Variants in PARP15 observed in about 807,000 individuals in gnomAD.
PARP15 encodes protein mono-ADP-ribosyltransferase PARP15.
PARP15 carries 50 observed loss-of-function variants against 62.1 expected under a neutral mutation model. The observed-to-expected ratio is 0.81, with a 90% confidence interval of 0.64 to 1.02. The LOEUF (loss-of-function observed/expected upper bound fraction) is 1.02, where lower values mean the gene tolerates loss of function less well. Among genes scored for constraint, PARP15 ranks in the 50% least tolerant of loss-of-function variants. The probability of loss-of-function intolerance (pLI) is 0.00; values close to 1 mark genes in which losing one functional copy is unlikely to be tolerated. For missense variants in PARP15, 820 were observed against 826.5 expected (o/e 0.99, Z 0.10); for synonymous variants, 309 against 293.1 (o/e 1.05, Z -0.55).
chr3:122,579,017 A>T, intron 1 of PARP15, among the ~76,000 whole-genome samples: 1 of 152,240 alleles, frequency 6.6e-6, no homozygotes, highest in South Asian at 2.1e-4. Context: ...TTTTAAAAAC[A>T]ATTACAATAC....
intron 1 of PARP15, among the ~76,000 whole-genome samples, chr3:122,589,926 C>T (rs1933751996): frequency 1.5e-5 from 2 of 132,798 alleles, no homozygotes; most frequent in South Asian, 4.7e-4. Context: ...GAGTCTCGCT[C>T]TGTCCCTGGG....
At position 122,613,147 on chromosome 3, in the gene PARP15, C is replaced by T. The variant is rs115391654; in HGVS notation, c.650C>T (p.Ala217Val). 9,469 of 1,551,612 alleles carry T rather than the reference C, an allele frequency of 6.1e-3. 44 individuals are homozygous for T. The highest frequency in any genetic ancestry group is 9.3e-3 in the Middle Eastern group (56 of 5,992). Residue 217 changes from alanine to valine, a missense_variant, in exon 4 of 12, where the codon GCT becomes GTT. By Grantham distance (64) the Ala-to-Val change is moderately conservative. This residue lies in a region of PARP15 where 731 missense variants were observed against 727.7 expected (regional missense o/e 1.00). Transcript: ENST00000464300. ...IGTGSLQFPKAVFAKLILSEV... is the reference protein window; with the variant it reads ...IGTGSLQFPKVVFAKLILSEV... ...ACAGGAAGTTTGCAGTTTCCCAAAGCTGTTTTTGCTAAACTAATCCTTTCA... is the reference window on the plus strand; with the variant it reads ...ACAGGAAGTTTGCAGTTTCCCAAAGTTGTTTTTGCTAAACTAATCCTTTCA...
chr3:122,594,639 T>G, intron 1 of PARP15: 1 of 917,378 alleles, frequency 1.1e-6, no homozygotes, highest in Non-Finnish European at 1.3e-6. Context: ...AATTAGCATC[T>G]AATTTTAATT....
chr3:122,610,174 C>G (rs1935460896), intron 2 of PARP15, among the ~76,000 whole-genome samples: 1 of 152,078 alleles, frequency 6.6e-6, no homozygotes, highest in Non-Finnish European at 1.5e-5. Flanking sequence ...TCTTCTTTCT[C>G]CATTTCTCTC....
chr3:122,631,797 T>A (rs1474470295), intron 9 of PARP15, among the ~76,000 whole-genome samples: 3 of 152,226 alleles, frequency 2.0e-5, no homozygotes, highest in Non-Finnish European at 2.9e-5. Context: ...CAAAATTAAT[T>A]CCATAGAAAT....
chr3:122,623,262 A>G (rs1460709231), intron 8 of PARP15, among the ~76,000 whole-genome samples: 1 of 152,136 alleles, frequency 6.6e-6, no homozygotes, highest in East Asian at 1.9e-4. Context: ...TTTTGTTCCC[A>G]TCACCCAGGG....
chr3:122,636,736 A>G lies in PARP15; in HGVS notation c.*636A>G, dbSNP rs1937396520. ...GTCTTTATGGGTCAGGAATTCAGGC[A>G]TGGCTTACCTGGATCATTCTGCTAG... is the stretch of plus-strand genomic sequence containing the variant. On this transcript the variant is annotated 3_prime_UTR_variant, in exon 12 of 12. Coordinates refer to ENST00000464300, the MANE Select transcript of PARP15 (RefSeq NM_001113523.3). The G allele has an allele frequency of 6.6e-6, 1 of 152,482 alleles. No homozygotes were observed. The highest frequency in any genetic ancestry group is 2.4e-5 in the African/African-American group (1 of 41,464). The allele number at this position is 152,482 out of a possible 1,614,324, so 9.4% of individuals were successfully genotyped here. A position where few individuals can be genotyped will look rare whatever the true frequency, so the allele number is the denominator to read the frequency against.
At chr3:122,621,987 C>T (rs906179977) in intron 8 of PARP15, among the ~76,000 whole-genome samples, 1 of 152,148 alleles carries the variant, frequency 6.6e-6, no homozygotes, top group African/African-American at 2.4e-5. Context: ...TTTATGGAGA[C>T]AGCGTTTCCC....
chr3:122,612,016 C>T (rs184713332), intron 3 of PARP15, among the ~76,000 whole-genome samples: 5 of 147,722 alleles, frequency 3.4e-5, no homozygotes, highest in African/African-American at 5.1e-5. Flanking sequence ...AACTGGACAG[C>T]ATATTTATGT....
Position 122,617,093 on chromosome 3 carries a change from C to G in PARP15, c.929C>G (p.Thr310Ser). ...GGTGCAATTACTTTTCAGGTTGCTA[C>G]TGGAGATATAGCCACTGAACAGGTA... is the stretch of plus-strand genomic sequence containing the variant. ...KIGAITFQVA[T>S]GDIATEQVDV... is the part of the protein sequence containing the mutation. The change falls in exon 6 of 12, where the codon ACT (threonine) becomes AGT (serine). Residue 310 changes from threonine (T) to serine (S), a missense_variant. Thr to Ser is a moderately conservative substitution (Grantham distance 58, BLOSUM62 1). This residue lies in a region of PARP15 where 731 missense variants were observed against 727.7 expected (regional missense o/e 1.00). Transcript: ENST00000464300. 2 of 1,614,068 alleles carry G rather than the reference C, an allele frequency of 1.2e-6. No individual in the cohort carries two copies. The highest frequency in any genetic ancestry group is 8.5e-7 in the Non-Finnish European group (1 of 1,179,962).
intron 6 of PARP15, 113 bp downstream of exon 6, chr3:122,617,277 C>A: frequency 8.7e-7 from 1 of 1,153,124 alleles, no homozygotes; most frequent in Non-Finnish European, 1.2e-6. Flanking sequence ...AATATGTGGT[C>A]TCTGAACTCA....
intron 1 of PARP15, among the ~76,000 whole-genome samples, chr3:122,590,005 C>T (rs768443271): frequency 6.6e-6 from 1 of 151,132 alleles, no homozygotes; most frequent in Non-Finnish European, 1.5e-5. Context: ...TCTGCCTCAC[C>T]CTCTCAAGTA....
chr3:122,634,631 G>C (rs1937247625), intron 10 of PARP15, among the ~76,000 whole-genome samples: 1 of 152,176 alleles, frequency 6.6e-6, no homozygotes, highest in African/African-American at 2.4e-5. Flanking sequence ...GGAATGAGTT[G>C]GAAGATGAGG....
intron 9 of PARP15, among the ~76,000 whole-genome samples, chr3:122,628,024 A>G (rs1438361437): frequency 6.6e-6 from 1 of 152,232 alleles, no homozygotes; most frequent in African/African-American, 2.4e-5. Flanking sequence ...TCATATAATA[A>G]TATCATCTAG....
intron 6 of PARP15, 41 bp downstream of exon 6, chr3:122,617,205 T>A: frequency 6.4e-7 from 1 of 1,561,220 alleles, no homozygotes; most frequent in South Asian, 1.1e-5. Flanking sequence ...TTAGTATGAC[T>A]AATTTCTGGA....
At chr3:122,631,972 T>C in intron 9 of PARP15, 114 bp from the exon 10 acceptor site, 1 of 1,176,974 alleles carries the variant, frequency 8.5e-7, no homozygotes, top group Non-Finnish European at 1.2e-6. Context: ...AATGTGTAAC[T>C]TCTCCTTTAA....
In PARP15 at chr3:122,637,756, C is replaced by T. The variant is rs1280463427; in HGVS notation, c.*1656C>T. ...AACAAAGTCAAAATCACATTTTGTT[C>T]TGTCACAAATCATATAATATTATTT... On this transcript the variant is annotated 3_prime_UTR_variant, in exon 12 of 12. Coordinates refer to ENST00000464300, the MANE Select transcript of PARP15 (RefSeq NM_001113523.3). The T allele has an allele frequency of 9.9e-5, 15 of 152,074 alleles. No homozygotes were observed. Among genetic ancestry groups the T allele is most frequent in the Non-Finnish European group, 1.2e-4 (8 of 67,996 alleles). 9.4% of individuals were successfully genotyped at this position (152,074 alleles called of 1,614,324 possible).
chr3:122,594,642 T>C, intron 1 of PARP15: 23 of 919,228 alleles, frequency 2.5e-5, no homozygotes, highest in Non-Finnish European at 3.0e-5. Flanking sequence ...TAGCATCTAA[T>C]TTTAATTTGT....
chr3:122,602,188 A>T (rs1934852005), intron 1 of PARP15, among the ~76,000 whole-genome samples: 1 of 151,988 alleles, frequency 6.6e-6, no homozygotes, highest in South Asian at 2.1e-4. Context: ...TATTGACTGT[A>T]TTACTGTTAA....
Sources: allele counts gnomAD v4.1 joint callset (sites outside exome capture counted in the v4.1 genomes callset), GRCh38; gene constraint gnomAD v4.1.1; regional missense constraint gnomAD v4.1.1; transcripts MANE v1.5; gene names NCBI Gene and HGNC (gene_info 2026-07-23, HGNC 2026-07-21).